The following TMCO5A variants were observed in gnomAD, a reference collection of about 807,000 sequenced individuals.
The protein encoded by TMCO5A is transmembrane and coiled-coil domain-containing protein 5A.
A neutral mutation model predicts 42.3 loss-of-function variants in TMCO5A; 34 were observed. That is an observed-to-expected ratio of 0.80 (90% CI 0.61 to 1.07). The LOEUF is 1.07. TMCO5A is among the 50% of genes least tolerant of loss of function. TMCO5A has a pLI of 0.00. For missense variants in TMCO5A, 357 were observed against 327.9 expected, an observed-to-expected ratio of 1.09 and a Z score of -0.69; for synonymous variants, 131 against 115.6, an observed-to-expected ratio of 1.13 and a Z score of -0.86.
chr15:37,939,784 G>A (rs956784843), intron 6 of TMCO5A, among the ~76,000 whole-genome samples: 2 of 151,964 alleles, frequency 1.3e-5, no homozygotes, highest in African/African-American at 4.8e-5. Flanking sequence ...GCTTAATGGG[G>A]TGCCTAATTC....
At chr15:37,999,974 C>T in the TMCO5A span, among the ~76,000 whole-genome samples, 8 of 152,148 alleles carry the variant, frequency 5.3e-5, no homozygotes, top group African/African-American at 1.9e-4. Context: ...GCGATATTGG[C>T]CTGTAGCTTT....
downstream of TMCO5A, among the ~76,000 whole-genome samples, chr15:37,969,949 G>A (rs1198637975): frequency 1.3e-5 from 2 of 152,142 alleles, no homozygotes; most frequent in Non-Finnish European, 2.9e-5. Flanking sequence ...TTGATTCCAT[G>A]TCTTTGCTAT....
rs1889822719 is a variant in TMCO5A at position 37,943,380 on chromosome 15, T to C, written c.609T>C (p.His203=). The C allele has an allele frequency of 6.2e-7, 1 of 1,612,474 alleles. No homozygotes were observed. The highest frequency in any genetic ancestry group is 1.1e-5 in the South Asian group (1 of 91,038). ...GCATGAACCCTGTGGAAAAAGAGCA[T>C]ACCAGCCAAAATAATGAGGTAAACA... ...LVSMNPVEKE[H]TSQNNEGTPT... The change falls in exon 10 of 12, where the codon CAT becomes CAC. Residue 203 remains histidine (H), a synonymous_variant. Coordinates refer to ENST00000319669, the MANE Select transcript of TMCO5A (RefSeq NM_152453.4).
At chr15:37,972,772 T>C in the TMCO5A span, among the ~76,000 whole-genome samples, 2 of 152,362 alleles carry the variant, frequency 1.3e-5, no homozygotes, top group East Asian at 3.9e-4. Flanking sequence ...GCAGAAGCTC[T>C]TCAGTTTAAT....
chr15:37,959,732 A>G (rs1183117740), intron 11 of TMCO5A, among the ~76,000 whole-genome samples: 1 of 152,066 alleles, frequency 6.6e-6, no homozygotes, highest in Non-Finnish European at 1.5e-5. Flanking sequence ...CTAGTATCAT[A>G]CTGAATAAGG....
chr15:38,004,259 A>G, the TMCO5A span, among the ~76,000 whole-genome samples: 2 of 151,896 alleles, frequency 1.3e-5, no homozygotes, highest in South Asian at 2.1e-4. Context: ...CCATTCTACT[A>G]TGGCTGAGTG....
chr15:37,950,921 G>A (rs1890133565), intron 11 of TMCO5A, 115 bp from the exon 12 acceptor site: 9 of 848,026 alleles, frequency 1.1e-5, no homozygotes, highest in South Asian at 1.0e-4. Flanking sequence ...AGGAAAGGGG[G>A]TGATAATCCA....
At chr15:37,940,373 C>T (rs1047742438) in intron 6 of TMCO5A, among the ~76,000 whole-genome samples, 1 of 152,136 alleles carries the variant, frequency 6.6e-6, no homozygotes, top group Non-Finnish European at 1.5e-5. Flanking sequence ...CTGTGATAAC[C>T]TCATGGTCTT....
At chr15:38,026,769 G>A in the TMCO5A span, among the ~76,000 whole-genome samples, 1 of 152,338 alleles carries the variant, frequency 6.6e-6, no homozygotes, top group Non-Finnish European at 1.5e-5. Flanking sequence ...GCTGTGTGCA[G>A]CCTAGGGACT....
chr15:37,975,706 C>T, the TMCO5A span, among the ~76,000 whole-genome samples: 1 of 150,980 alleles, frequency 6.6e-6, no homozygotes, highest in African/African-American at 2.5e-5. Flanking sequence ...ACATTCTTTG[C>T]CTTTTAATTG....
chr15:37,981,100 G>T, the TMCO5A span, among the ~76,000 whole-genome samples: 2 of 149,206 alleles, frequency 1.3e-5, no homozygotes, highest in African/African-American at 4.9e-5. Context: ...TAAAGTAAAG[G>T]TAAATGTTGA....
the TMCO5A span, among the ~76,000 whole-genome samples, chr15:37,975,454 T>C: frequency 1.3e-5 from 2 of 151,568 alleles, no homozygotes; most frequent in Non-Finnish European, 2.9e-5. Context: ...AAGAGTCAGA[T>C]CTTCTTGTTG....
chr15:37,956,382 T>C (rs566726883), downstream of TMCO5A, among the ~76,000 whole-genome samples: 3 of 151,964 alleles, frequency 2.0e-5, no homozygotes, highest in East Asian at 5.8e-4. Context: ...GAGAATCAAA[T>C]AGACGCAATA....
At chr15:37,936,550 T>C in intron 3 of TMCO5A, 87 bp downstream of exon 3, 1 of 1,480,610 alleles carries the variant, frequency 6.8e-7, no homozygotes, top group Non-Finnish European at 9.1e-7. Context: ...CTGCTTGTTC[T>C]AGAGACTTCT....
chr15:37,965,181 A>G (rs1890527715), intron 11 of TMCO5A, among the ~76,000 whole-genome samples: 1 of 152,200 alleles, frequency 6.6e-6, no homozygotes. Flanking sequence ...TCTCTTCAAT[A>G]AACGGTGCTG....
At chr15:37,936,722 GA>G in intron 3 of TMCO5A, 124 bp from the exon 4 acceptor site, 1 of 1,374,620 alleles carries the variant, frequency 7.3e-7, no homozygotes. Context: ...ATTCAGTAAG[GA>G]AGAGTTTTCA....
At chr15:37,942,802 A>G (rs1293531163) in intron 9 of TMCO5A, 1 of 154,272 alleles carries the variant, frequency 6.5e-6, no homozygotes, top group African/African-American at 2.4e-5. Context: ...GTTTGTCAAG[A>G]GTCTAAATGG....
chr15:37,973,276 G>C, the TMCO5A span, among the ~76,000 whole-genome samples: 2 of 151,728 alleles, frequency 1.3e-5, no homozygotes, highest in Non-Finnish European at 2.9e-5. Context: ...GGCTATTGGG[G>C]CTCTTTTTTG....
the TMCO5A span, among the ~76,000 whole-genome samples, chr15:37,977,703 C>A: frequency 6.6e-6 from 1 of 152,228 alleles, no homozygotes; most frequent in East Asian, 1.9e-4. Context: ...AGCCTTGGGG[C>A]AAGCTCAGCC....
Sources: allele counts gnomAD v4.1 joint callset (sites outside exome capture counted in the v4.1 genomes callset), GRCh38; gene constraint gnomAD v4.1.1; transcripts MANE v1.5; gene names NCBI Gene and HGNC (gene_info 2026-07-23, HGNC 2026-07-21).